Variants in PPP2R3A observed in about 807,000 individuals in gnomAD.
The protein encoded by PPP2R3A is serine/threonine-protein phosphatase 2A regulatory subunit B'' subunit alpha.
PPP2R3A carries 80 observed loss-of-function variants against 106.9 expected under a neutral mutation model. The observed-to-expected ratio is 0.75, with a 90% confidence interval of 0.62 to 0.90. The LOEUF is 0.90. Among genes scored for constraint, PPP2R3A ranks in the 40% least tolerant of loss-of-function variants. PPP2R3A has a pLI of 0.00. For synonymous variants in PPP2R3A, 483 were observed against 468.3 expected (o/e 1.03, Z -0.41); for missense variants, 1,386 against 1,350.4 (o/e 1.03, Z -0.41).
At chr3:135,987,414 G>A (rs1297212098) in intron 1 of PPP2R3A, among the ~76,000 whole-genome samples, 1 of 152,016 alleles carries the variant, frequency 6.6e-6, no homozygotes, top group Non-Finnish European at 1.5e-5. Flanking sequence ...ATCTTAGGTG[G>A]AACCCAAATC....
chr3:136,072,982 T>C (rs1371141033), intron 6 of PPP2R3A, among the ~76,000 whole-genome samples: 1 of 152,232 alleles, frequency 6.6e-6, no homozygotes, highest in Admixed American at 6.5e-5. Context: ...TTTGGGTTTT[T>C]TTTGAGACGG....
Position 135,977,688 on chromosome 3 carries a change from C to CTTT in PPP2R3A, c.-441+11865_-441+11867dup, listed in dbSNP as rs66592538. ...AAGTTGCATTCATCTGATCAGCATT[C>CTTT]TTTTTTTTTTTTTTTTTTTTTTTTT... On this transcript the variant is annotated intron_variant, in intron 1 of 13. Coordinates refer to ENST00000264977, the MANE Select transcript of PPP2R3A (RefSeq NM_002718.5). Among the ~76,000 whole-genome samples, 137 of 61,130 alleles carry CTTT rather than the reference C, an allele frequency of 2.2e-3. 21 individuals carry two copies. Among genetic ancestry groups the CTTT allele is most frequent in the South Asian group, 0.018 (24 of 1,364 alleles). 40.1% of individuals were successfully genotyped at this position (61,130 alleles called of 152,430 possible). A position where few individuals can be genotyped will look rare whatever the true frequency, so the allele number is the denominator to read the frequency against.
intron 5 of PPP2R3A, among the ~76,000 whole-genome samples, chr3:136,060,791 C>G (rs531221113): frequency 2.4e-4 from 36 of 152,026 alleles, no homozygotes; most frequent in Non-Finnish European, 4.4e-4. Context: ...AAAATTTCAG[C>G]TAAATAGGAA....
chr3:136,103,181 A>T, intron 11 of PPP2R3A, 77 bp from the exon 12 acceptor site: 1 of 795,106 alleles, frequency 1.3e-6, no homozygotes, highest in Non-Finnish European at 2.1e-6. Flanking sequence ...CTATACTTTT[A>T]GATGTCAGGG....
intron 13 of PPP2R3A, among the ~76,000 whole-genome samples, chr3:136,116,969 A>G (rs1304533365): frequency 6.6e-6 from 1 of 152,218 alleles, no homozygotes; most frequent in African/African-American, 2.4e-5. Context: ...TTATTCTACA[A>G]TTGACCACAT....
intron 13 of PPP2R3A, among the ~76,000 whole-genome samples, chr3:136,114,576 T>C (rs1402504386): frequency 6.6e-6 from 1 of 152,134 alleles, no homozygotes; most frequent in East Asian, 1.9e-4. Context: ...GAGGTCAACC[T>C]GGAACACTCC....
Position 136,092,777 on chromosome 3 carries a change from A to G in PPP2R3A, c.2927+2110A>G, listed in dbSNP as rs72985429. ...TGGATGCCAGGACGATCCAATGGGG[A>G]AAAAAAACAGTGTTTTTAATAAATA... On this transcript the variant is annotated intron_variant, in intron 10 of 13. Transcript: ENST00000264977. 5.3e-3 allele frequency among the ~76,000 whole-genome samples: 809 copies of G among 152,160 alleles called. 5 individuals are homozygous for G. Among genetic ancestry groups the G allele is most frequent in the African/African-American group, 0.017 (707 of 41,522 alleles).
In PPP2R3A at chr3:136,145,092, A is replaced by T; in HGVS notation, c.3379A>T (p.Asn1127Tyr). The part of the protein sequence containing the change: ...DEPASPSEFG[N>Y]KSNKILSASL... Reference sequence around the variant, plus strand: ...ACCTGCCTCTCCCTCTGAATTTGGAAACAAAAGCAATAAAATATTAAGTGC... The same window carrying T: ...ACCTGCCTCTCCCTCTGAATTTGGATACAAAAGCAATAAAATATTAAGTGC... The change falls in exon 14 of 14, where the codon AAC becomes TAC. Residue 1127 changes from asparagine (N) to tyrosine (Y), a missense_variant. Coordinates refer to ENST00000264977, the MANE Select transcript of PPP2R3A (RefSeq NM_002718.5). 9.9e-6 allele frequency: 16 copies of T among 1,613,888 alleles called. No individual in the cohort carries two copies. Among genetic ancestry groups the T allele is most frequent in the Non-Finnish European group, 1.2e-5 (14 of 1,179,852 alleles).
At chr3:136,035,554 G>A (rs547907089) in intron 3 of PPP2R3A, among the ~76,000 whole-genome samples, 16 of 152,296 alleles carry the variant, frequency 1.1e-4, no homozygotes, top group African/African-American at 2.2e-4. Flanking sequence ...AGATAGGGCC[G>A]CAATTCCTTC....
chr3:136,026,942 T>A lies in PPP2R3A; in HGVS notation c.2106T>A (p.Asn702Lys). The change falls in exon 3 of 14, where the codon AAT (asparagine) becomes AAA (lysine). Residue 702 changes from asparagine (N) to lysine (K), a missense_variant. Asn to Lys is a moderately conservative substitution (Grantham distance 94). Coordinates refer to ENST00000264977, the MANE Select transcript of PPP2R3A (RefSeq NM_002718.5). ...SPVPHVNNVV[N>K]APLSINIPRF... ...TTCCCCATGTGAATAATGTTGTGAA[T>A]GCGCCATTGTCCATAAACATTCCAC... 1 of 1,613,716 alleles carries A rather than the reference T, an allele frequency of 6.2e-7. No homozygotes were observed. Among genetic ancestry groups the A allele is most frequent in the Non-Finnish European group, 8.5e-7 (1 of 1,179,668 alleles).
chr3:136,027,569 A>G (rs751807707), intron 3 of PPP2R3A, among the ~76,000 whole-genome samples: 4 of 152,042 alleles, frequency 2.6e-5, no homozygotes, highest in Non-Finnish European at 5.9e-5. Flanking sequence ...AATATATCCA[A>G]CTGCTTCTGA....
chr3:136,111,725 A>G (rs1033088731), intron 13 of PPP2R3A, among the ~76,000 whole-genome samples: 1 of 152,132 alleles, frequency 6.6e-6, no homozygotes, highest in Non-Finnish European at 1.5e-5. Context: ...CCAGATGTAT[A>G]AAGAAGAGCT....
At chr3:136,068,529 A>G (rs1936329621) in intron 5 of PPP2R3A, among the ~76,000 whole-genome samples, 1 of 152,104 alleles carries the variant, frequency 6.6e-6, no homozygotes, top group Non-Finnish European at 1.5e-5. Context: ...TCAAAAAAAT[A>G]AAAGAAATAA....
In PPP2R3A at chr3:136,082,426, G is replaced by A. The variant is rs1471794293; in HGVS notation, c.2788+5G>A. The A allele has an allele frequency of 6.2e-7, 1 of 1,612,798 alleles. No homozygotes were observed. Among genetic ancestry groups the A allele is most frequent in the Admixed American group, 1.7e-5 (1 of 59,970 alleles). ...TGTCTCGATACAATGACCAGGGTAA[G>A]TGATTCTGTAGATGCTAAGACTTAA... On this transcript the variant is annotated splice_donor_5th_base_variant and intron_variant, in intron 8 of 13. Transcript: ENST00000264977.
chr3:136,030,466 A>G (rs1934831787), intron 3 of PPP2R3A, among the ~76,000 whole-genome samples: 1 of 151,788 alleles, frequency 6.6e-6, no homozygotes, highest in Non-Finnish European at 1.5e-5. Flanking sequence ...TAAGTTCTTT[A>G]GTGGTGATTT....
Position 136,001,707 on chromosome 3 carries a change from C to T in PPP2R3A, c.209C>T (p.Ser70Phe). 1 of 1,614,062 alleles carries T rather than the reference C, an allele frequency of 6.2e-7. No individual in the cohort carries two copies. The highest frequency in any genetic ancestry group is 8.5e-7 in the Non-Finnish European group (1 of 1,179,980). ...VSQFKDADLN[S>F]MFLPHENGLS... ...CAGTTCAAAGATGCAGATCTGAACTCTATGTTTCTACCCCATGAAAATGGG... is the reference window on the plus strand; with the variant it reads ...CAGTTCAAAGATGCAGATCTGAACTTTATGTTTCTACCCCATGAAAATGGG... Residue 70 changes from serine to phenylalanine, a missense_variant, in exon 2 of 14, where the codon TCT (serine) becomes TTT (phenylalanine). By Grantham distance (155) the Ser-to-Phe change is radical. Coordinates refer to ENST00000264977, the MANE Select transcript of PPP2R3A (RefSeq NM_002718.5).
At chr3:136,082,139 G>A (rs1936797328) in intron 7 of PPP2R3A, 126 bp from the exon 8 acceptor site, 2 of 709,956 alleles carry the variant, frequency 2.8e-6, no homozygotes, top group Non-Finnish European at 4.6e-6. Flanking sequence ...GCCTATTAAA[G>A]GGTTTCTGAT....
At chr3:136,137,946 T>C (rs1938692547) in intron 13 of PPP2R3A, among the ~76,000 whole-genome samples, 1 of 151,964 alleles carries the variant, frequency 6.6e-6, no homozygotes, top group Non-Finnish European at 1.5e-5. Context: ...GGAATGTAAC[T>C]AGTGAGAAGT....
chr3:136,041,710 A>G (rs1035110594), intron 4 of PPP2R3A, among the ~76,000 whole-genome samples: 2 of 152,218 alleles, frequency 1.3e-5, no homozygotes, highest in African/African-American at 4.8e-5. Context: ...GATTTGTTAG[A>G]AATACTGAAT....
Sources: allele counts gnomAD v4.1 joint callset (sites outside exome capture counted in the v4.1 genomes callset), GRCh38; gene constraint gnomAD v4.1.1; transcripts MANE v1.5; gene names NCBI Gene and HGNC (gene_info 2026-07-23, HGNC 2026-07-21).